Variants in KIF26B observed in about 807,000 individuals in gnomAD.
KIF26B encodes kinesin-like protein KIF26B.
In KIF26B, 63 loss-of-function variants were observed where a neutral mutation model predicts 151.2. The ratio of observed to expected loss-of-function variants is 0.42; its 90% CI spans 0.34 to 0.51. The LOEUF is 0.51. Ranked by LOEUF, KIF26B falls within the 20% of genes least tolerant of loss-of-function variation. KIF26B has a pLI of 0.07. For missense variants in KIF26B, 2,813 were observed against 2,913.6 expected (o/e 0.97, Z 0.79); for synonymous variants, 1,357 against 1,262.1 (o/e 1.08, Z -1.59).
intron 2 of KIF26B, among the ~76,000 whole-genome samples, chr1:245,222,428 ACT>A (rs1669793891): frequency 6.6e-6 from 1 of 152,052 alleles, no homozygotes; most frequent in South Asian, 2.1e-4. Flanking sequence ...CTAGAGTGAG[ACT>A]CCATCTCAAA....
chr1:245,547,093 A>G lies in KIF26B; in HGVS notation c.1350+6143A>G, dbSNP rs977511483. On this transcript the variant is annotated intron_variant, in intron 5 of 14. Transcript: ENST00000407071. ...GCGCCGCCCCAGGCGCCCGGAGCTC[A>G]GGAAGCGCAGGTGGCGCTGCCAGAA... 3.9e-4 allele frequency among the ~76,000 whole-genome samples: 59 copies of G among 152,382 alleles called. 1 individual carries two copies. The highest frequency in any genetic ancestry group is 7.1e-4 in the Non-Finnish European group (48 of 68,042).
At chr1:245,340,240 C>A (rs1244822803) in intron 2 of KIF26B, among the ~76,000 whole-genome samples, 2 of 152,154 alleles carry the variant, frequency 1.3e-5, no homozygotes, top group African/African-American at 4.8e-5. Context: ...TTGCGTATAA[C>A]CCAGGTACGT....
chr1:245,297,209 G>A (rs999405501), intron 2 of KIF26B, among the ~76,000 whole-genome samples: 1 of 152,168 alleles, frequency 6.6e-6, no homozygotes, highest in Non-Finnish European at 1.5e-5. Flanking sequence ...CGGTCGTGGT[G>A]GCACACACCT....
chr1:245,361,656 T>A lies in KIF26B; in HGVS notation c.466-5178T>A, dbSNP rs1470871716. Among the ~76,000 whole-genome samples the A allele has an allele frequency of 3.9e-5, 6 of 152,148 alleles. No homozygotes were observed. The East Asian group carries it at 9.7e-4, about 24-fold the overall frequency. Reference sequence around the variant, plus strand: ...AGGGGTGCAGGCGATCAAGCAGGGGTGCAGGGGTGCACCTGCGATCTCAGG... The same window carrying A: ...AGGGGTGCAGGCGATCAAGCAGGGGAGCAGGGGTGCACCTGCGATCTCAGG... On this transcript the variant is annotated intron_variant, in intron 2 of 14. Transcript: ENST00000407071.
intron 2 of KIF26B, among the ~76,000 whole-genome samples, chr1:245,292,510 G>A (rs930929322): frequency 1.3e-5 from 2 of 152,192 alleles, no homozygotes; most frequent in Non-Finnish European, 2.9e-5. Flanking sequence ...CAGAGCAGGT[G>A]CTTCACCTGC....
chr1:245,593,258 G>T (rs911058024), intron 5 of KIF26B, among the ~76,000 whole-genome samples: 46 of 152,226 alleles, frequency 3.0e-4, no homozygotes, highest in African/African-American at 1.1e-3. Context: ...TGCCATGGTG[G>T]TTTGCTGCAC....
At chr1:245,369,951 A>G (rs1269100084) in intron 3 of KIF26B, among the ~76,000 whole-genome samples, 2 of 152,374 alleles carry the variant, frequency 1.3e-5, no homozygotes, top group East Asian at 1.9e-4. Flanking sequence ...CTTCTAGGGC[A>G]GGAACAGAGA....
At chr1:245,453,174 G>C (rs1659436671) in intron 4 of KIF26B, among the ~76,000 whole-genome samples, 1 of 152,078 alleles carries the variant, frequency 6.6e-6, no homozygotes, top group South Asian at 2.1e-4. Flanking sequence ...CAGAACACTA[G>C]ATCTGTTTTA....
chr1:245,691,112 C>T (rs1020031700), intron 12 of KIF26B, among the ~76,000 whole-genome samples: 4 of 152,230 alleles, frequency 2.6e-5, no homozygotes, highest in African/African-American at 9.6e-5. Context: ...TGCCTTGCGT[C>T]TACCAGTCCA....
At chr1:245,234,944 T>G (rs922148491) in intron 2 of KIF26B, among the ~76,000 whole-genome samples, 12 of 152,106 alleles carry the variant, frequency 7.9e-5, no homozygotes, top group Admixed American at 7.2e-4. Context: ...CAGGAGGTCC[T>G]CCTGGCCTCC....
chr1:245,316,360 G>C (rs780731042), intron 2 of KIF26B, among the ~76,000 whole-genome samples: 2 of 152,022 alleles, frequency 1.3e-5, no homozygotes, highest in Non-Finnish European at 2.9e-5. Flanking sequence ...CTGACCCCAG[G>C]TGATCCGCCT....
chr1:245,372,002 G>C (rs981889673), intron 3 of KIF26B, among the ~76,000 whole-genome samples: 1 of 149,538 alleles, frequency 6.7e-6, no homozygotes, highest in Non-Finnish European at 1.5e-5. Context: ...TACACACACA[G>C]AGAAAGCAGA....
At position 245,517,828 on chromosome 1, in the gene KIF26B, C is replaced by T. The variant is rs1198364761; in HGVS notation, c.1167-22939C>T. Among the ~76,000 whole-genome samples, 5 of 149,722 alleles carry T rather than the reference C, an allele frequency of 3.3e-5. No homozygotes were observed. The South Asian group carries it at 1.1e-3, about 32-fold the overall frequency. Reference sequence around the variant, plus strand: ...TGGGCAGAGGAATTGGCATGATTCTCTGTGTATGCACAGGACCATGAAAGT... The same window carrying T: ...TGGGCAGAGGAATTGGCATGATTCTTTGTGTATGCACAGGACCATGAAAGT... On this transcript the variant is annotated intron_variant, in intron 4 of 14. Coordinates refer to ENST00000407071, the MANE Select transcript of KIF26B (RefSeq NM_018012.4).
intron 3 of KIF26B, among the ~76,000 whole-genome samples, chr1:245,418,103 G>C (rs139908328): frequency 5.4e-4 from 82 of 152,294 alleles, no homozygotes; most frequent in African/African-American, 1.9e-3. Context: ...GGTGTGCATC[G>C]CCACATCCTC....
intron 2 of KIF26B, among the ~76,000 whole-genome samples, chr1:245,230,514 G>A (rs1031920447): frequency 7.2e-5 from 11 of 152,012 alleles, no homozygotes; most frequent in African/African-American, 2.2e-4. Context: ...AGGCCGAGGC[G>A]GGTGGATCAC....
intron 4 of KIF26B, among the ~76,000 whole-genome samples, chr1:245,526,168 G>C (rs1661232068): frequency 6.6e-6 from 1 of 152,136 alleles, no homozygotes; most frequent in African/African-American, 2.4e-5. Flanking sequence ...TCCTTTCCTT[G>C]CTTCACAGCT....
At chr1:245,441,396 C>T (rs1418365323) in intron 4 of KIF26B, among the ~76,000 whole-genome samples, 1 of 152,018 alleles carries the variant, frequency 6.6e-6, no homozygotes, top group East Asian at 1.9e-4. Context: ...TTGACTTTTT[C>T]CCAAGATATC....
chr1:245,672,683 C>T (rs1010852603), intron 10 of KIF26B, among the ~76,000 whole-genome samples: 4 of 152,004 alleles, frequency 2.6e-5, no homozygotes. Flanking sequence ...GGATAGAGAG[C>T]ATAAAATTGG....
At chr1:245,194,879 TG>T (rs1356129096) in intron 2 of KIF26B, among the ~76,000 whole-genome samples, 3 of 152,158 alleles carry the variant, frequency 2.0e-5, no homozygotes, top group Non-Finnish European at 2.9e-5. Flanking sequence ...TACATGTGTA[TG>T]GGGGTGTGTG....
Sources: gnomAD v4.1 joint callset for allele counts (sites outside exome capture counted in the v4.1 genomes callset) on GRCh38, gnomAD v4.1.1 for gene constraint, MANE v1.5 for transcripts, NCBI Gene and HGNC (gene_info 2026-07-23, HGNC 2026-07-21) for gene names.